The following ADGRL2 variants were observed in gnomAD, a reference collection of about 807,000 sequenced individuals.
The protein encoded by ADGRL2 is calcium-independent alpha-latrotoxin receptor 2.
In ADGRL2, 44 loss-of-function variants were observed where a neutral mutation model predicts 157.4. The observed-to-expected ratio is 0.28, with a 90% CI of 0.22 to 0.36. ADGRL2 has a LOEUF of 0.36. Among genes scored for constraint, ADGRL2 ranks in the 10% least tolerant of loss-of-function variants. The pLI, the probability that ADGRL2 is intolerant of heterozygous loss-of-function variation, is 1.00. For missense variants in ADGRL2, 1,510 were observed against 1,768.9 expected, an observed-to-expected ratio of 0.85 and a Z score of 2.63; for synonymous variants, 585 against 624.7, an observed-to-expected ratio of 0.94 and a Z score of 0.95.
chr1:81,655,500 C>T (rs950294586), intron 3 of ADGRL2, among the ~76,000 whole-genome samples: 2 of 152,146 alleles, frequency 1.3e-5, no homozygotes, highest in African/African-American at 2.4e-5. Flanking sequence ...TTCCATCTCT[C>T]CTACTTTCTA....
In ADGRL2 at chr1:81,955,972, G is replaced by T. The variant is rs762754075; in HGVS notation, c.1929G>T (p.Met643Ile). ...CTGAACAAGCACATACTGCAACAAT[G>T]TTACTCGATACATTGGAAGAAGGAG... ...NSSEQAHTAT[M>I]LLDTLEEGAF... The change falls in exon 11 of 24, where the codon ATG becomes ATT. Residue 643 changes from methionine to isoleucine, a missense_variant. Met to Ile is a conservative substitution (Grantham distance 10). This residue lies in a region of ADGRL2 where 325 missense variants were observed against 333.2 expected (regional missense o/e 0.98). Coordinates refer to ENST00000686636, the MANE Select transcript of ADGRL2 (RefSeq NM_001366006.2). The T allele has an allele frequency of 6.2e-7, 1 of 1,611,380 alleles. No individual in the cohort carries two copies. The highest frequency in any genetic ancestry group is 2.2e-5 in the East Asian group (1 of 44,684).
chr1:81,925,870 C>G (rs986473240), intron 3 of ADGRL2, among the ~76,000 whole-genome samples: 6 of 151,918 alleles, frequency 3.9e-5, no homozygotes, highest in Admixed American at 3.9e-4. Context: ...CATCAAACAT[C>G]TCAGGAGTCA....
intron 2 of ADGRL2, among the ~76,000 whole-genome samples, chr1:81,472,631 G>GA (rs1035302961): frequency 1.3e-5 from 2 of 149,548 alleles, no homozygotes; most frequent in Non-Finnish European, 3.0e-5. Context: ...GCAAGACTCT[G>GA]AAAAAAAAGG....
intron 2 of ADGRL2, among the ~76,000 whole-genome samples, chr1:81,525,432 C>T (rs1288959245): frequency 6.6e-6 from 1 of 152,160 alleles, no homozygotes; most frequent in Non-Finnish European, 1.5e-5. Context: ...ATTCTCATGC[C>T]TCAGCCTCCC....
At chr1:81,470,148 C>A (rs1341830395) in intron 2 of ADGRL2, among the ~76,000 whole-genome samples, 3 of 152,186 alleles carry the variant, frequency 2.0e-5, no homozygotes, top group African/African-American at 7.2e-5. Context: ...GGTACTGCAT[C>A]AGAATCATCC....
At chr1:81,332,021 C>A (rs1484440549) in intron 1 of ADGRL2, among the ~76,000 whole-genome samples, 1 of 152,118 alleles carries the variant, frequency 6.6e-6, no homozygotes, top group Non-Finnish European at 1.5e-5. Context: ...CACAACAACA[C>A]AAACTCTTTC....
chr1:81,574,028 T>C (rs989882128), intron 2 of ADGRL2, among the ~76,000 whole-genome samples: 3 of 152,118 alleles, frequency 2.0e-5, no homozygotes, highest in African/African-American at 7.2e-5. Flanking sequence ...TGTTAGAAAA[T>C]GTTGTAAACA....
upstream of ADGRL2, among the ~76,000 whole-genome samples, chr1:81,795,978 T>C (rs1430531158): frequency 6.6e-6 from 1 of 152,050 alleles, no homozygotes; most frequent in Non-Finnish European, 1.5e-5. Flanking sequence ...TATTTTATTT[T>C]TGTTTTGTTT....
chr1:81,309,041 A>C (rs1036124552), intron 1 of ADGRL2, among the ~76,000 whole-genome samples: 1 of 152,150 alleles, frequency 6.6e-6, no homozygotes, highest in African/African-American at 2.4e-5. Flanking sequence ...AAGATAAATT[A>C]TCATCTTAAA....
intron 1 of ADGRL2, among the ~76,000 whole-genome samples, chr1:81,318,594 C>T (rs939623330): frequency 5.9e-5 from 9 of 152,138 alleles, no homozygotes; most frequent in Non-Finnish European, 2.9e-5. Flanking sequence ...TACTAATACA[C>T]TACTAGTTGC....
intron 1 of ADGRL2, chr1:81,426,952 A>T (rs2077228331): frequency 4.1e-6 from 3 of 734,560 alleles, no homozygotes. Flanking sequence ...AAAAAAAGGA[A>T]GGATTTGCTT....
At chr1:81,979,788 C>A in intron 17 of ADGRL2, 81 bp from the exon 18 acceptor site, 4 of 795,922 alleles carry the variant, frequency 5.0e-6, no homozygotes, top group Non-Finnish European at 6.5e-6. Flanking sequence ...TCCATATAAA[C>A]ATGGATCGAT....
intron 4 of ADGRL2, among the ~76,000 whole-genome samples, chr1:81,939,188 TTGTTTACTTTAGTA>T (rs2095352476): frequency 6.6e-6 from 1 of 151,688 alleles, no homozygotes; most frequent in South Asian, 2.1e-4. Flanking sequence ...TGCTGTTACT[TTGTTTACTTTAGTA>T]TGTTTATAAA....
At chr1:81,870,976 T>G (rs2093676789) in intron 2 of ADGRL2, among the ~76,000 whole-genome samples, 1 of 151,826 alleles carries the variant, frequency 6.6e-6, no homozygotes, top group Non-Finnish European at 1.5e-5. Flanking sequence ...AGGGTACATG[T>G]GCACAATGTG....
chr1:81,708,546 A>G (rs1557584318), intron 1 of ADGRL2, among the ~76,000 whole-genome samples: 2 of 152,146 alleles, frequency 1.3e-5, no homozygotes, highest in Non-Finnish European at 2.9e-5. Context: ...TGATGTAGGC[A>G]TAAATGTTTC....
intron 1 of ADGRL2, among the ~76,000 whole-genome samples, chr1:81,329,072 CAGA>C (rs548575800): frequency 9.1e-5 from 13 of 143,582 alleles, no homozygotes; most frequent in Admixed American, 4.3e-4. Flanking sequence ...TTCCCTGATG[CAGA>C]AGAAGTCGAG....
At chr1:81,764,220 G>C (rs989331310) in intron 2 of ADGRL2, among the ~76,000 whole-genome samples, 1 of 148,122 alleles carries the variant, frequency 6.8e-6, no homozygotes, top group African/African-American at 2.5e-5. Flanking sequence ...TAGATAACTA[G>C]GCAAATATAA....
intron 2 of ADGRL2, among the ~76,000 whole-genome samples, chr1:81,521,459 T>G (rs1227748937): frequency 6.6e-6 from 1 of 152,174 alleles, no homozygotes; most frequent in Non-Finnish European, 1.5e-5. Flanking sequence ...ACAGATTTCT[T>G]CCTACTTTTC....
At chr1:81,842,443 C>T (rs979705618) in intron 2 of ADGRL2, among the ~76,000 whole-genome samples, 6 of 145,246 alleles carry the variant, frequency 4.1e-5, no homozygotes, top group Non-Finnish European at 7.5e-5. Context: ...CTGAAACCTC[C>T]ACCTCCCGGG....
Sources: gnomAD v4.1 joint callset for allele counts (sites outside exome capture counted in the v4.1 genomes callset) on GRCh38, gnomAD v4.1.1 for gene constraint, gnomAD v4.1.1 regional missense constraint, MANE v1.5 for transcripts, NCBI Gene and HGNC (gene_info 2026-07-23, HGNC 2026-07-21) for gene names.